Variants in HERC3 observed in about 807,000 individuals in gnomAD.
HERC3 encodes HECT and RLD domain containing E3 ubiquitin protein ligase 3.
Under a neutral mutation model 129.9 loss-of-function variants are expected in HERC3, and 58 were observed. The observed-to-expected ratio is 0.45, with a 90% confidence interval of 0.36 to 0.56. The LOEUF (loss-of-function observed/expected upper bound fraction) is 0.56. Among genes scored for constraint, HERC3 ranks in the 20% least tolerant of loss-of-function variants. The pLI, the probability that HERC3 is intolerant of heterozygous loss-of-function variation, is 0.00. For missense variants in HERC3, 835 were observed against 1,244.2 expected (o/e 0.67, Z 4.95); for synonymous variants, 430 against 451.0 (o/e 0.95, Z 0.59).
chr4:88,597,933 A>C (rs190536218), intron 2 of HERC3: 2 of 152,328 alleles, frequency 1.3e-5, no homozygotes, highest in Non-Finnish European at 2.9e-5. Flanking sequence ...ATTAAAATGA[A>C]TCTTCTTTGT....
At chr4:88,536,695 G>GA in the HERC3 span, among the ~76,000 whole-genome samples, 3 of 151,860 alleles carry the variant, frequency 2.0e-5, no homozygotes, top group Non-Finnish European at 2.9e-5. Context: ...CTTGCCAATA[G>GA]AAAAAAATAT....
At chr4:88,614,600 A>G (rs1034461068) in intron 3 of HERC3, among the ~76,000 whole-genome samples, 2 of 152,322 alleles carry the variant, frequency 1.3e-5, no homozygotes, top group Middle Eastern at 6.8e-3. Flanking sequence ...ACTGTTTGTC[A>G]GCTGCCTTTT....
chr4:88,570,223 A>G, the HERC3 span, among the ~76,000 whole-genome samples: 96 of 152,332 alleles, frequency 6.3e-4, no homozygotes, highest in African/African-American at 2.2e-3. Context: ...CAGGTTTCAA[A>G]TTATTCAAAG....
rs756067945 is a variant in HERC3, at chr4:88,681,196, T to C, written c.2378T>C (p.Ile793Thr). The change falls in exon 21 of 26, where the codon ATA becomes ACA. Residue 793 changes from isoleucine (I) to threonine (T), a missense_variant. Physicochemically the swap from Ile to Thr is moderately conservative, Grantham distance 89 (BLOSUM62 -1). Coordinates refer to ENST00000402738, the MANE Select transcript of HERC3 (RefSeq NM_014606.3). ...CACAACTGGTTTCACTTGATTGGTA[T>C]AACCTGTGGACTAGCTATCTACAAC... is the stretch of plus-strand genomic sequence containing the variant. ...VEHNWFHLIG[I>T]TCGLAIYNST... is the part of the protein sequence containing the mutation. 8.1e-6 allele frequency: 13 copies of C among 1,613,954 alleles called. No homozygotes were observed. Among genetic ancestry groups the C allele is most frequent in the Non-Finnish European group, 1.1e-5 (13 of 1,179,956 alleles).
At chr4:88,649,656 C>T (rs2149268808) in intron 3 of HERC3, among the ~76,000 whole-genome samples, 184 bp from the exon 4 acceptor site, 1 of 151,966 alleles carries the variant, frequency 6.6e-6, no homozygotes, top group South Asian at 2.1e-4. Context: ...TGTGTGTTAC[C>T]CCGGGTCTCC....
At chr4:88,654,899 C>T (rs763763863) in intron 7 of HERC3, among the ~76,000 whole-genome samples, 17 of 152,104 alleles carry the variant, frequency 1.1e-4, no homozygotes, top group Non-Finnish European at 1.9e-4. Flanking sequence ...AATTTTGCTT[C>T]CTAACACATC....
Position 88,707,309 on chromosome 4 carries a change from C to T in HERC3, c.*349C>T, listed in dbSNP as rs183893011. On this transcript the variant is annotated 3_prime_UTR_variant, in exon 26 of 26. Transcript: ENST00000402738. Reference sequence around the variant, plus strand: ...TAATTTCCCAAATGTCTCTCTCAGCCCTGATGTTTTCTCACAGTGCTTCCT... The same window carrying T: ...TAATTTCCCAAATGTCTCTCTCAGCTCTGATGTTTTCTCACAGTGCTTCCT... 3.1e-4 allele frequency: 79 copies of T among 253,692 alleles called. 1 individual carries two copies. Among genetic ancestry groups the T allele is most frequent in the South Asian group, 2.4e-3 (50 of 20,472 alleles). The allele number at this position is 253,692 out of a possible 1,614,324, so 15.7% of individuals were successfully genotyped here.
At chr4:88,562,769 A>G in the HERC3 span, among the ~76,000 whole-genome samples, 3 of 152,150 alleles carry the variant, frequency 2.0e-5, no homozygotes, top group Non-Finnish European at 4.4e-5. Context: ...TCCTTTCCCC[A>G]ATGTGTATTC....
chr4:88,698,280 G>C (rs1279340117), intron 23 of HERC3, among the ~76,000 whole-genome samples: 1 of 152,156 alleles, frequency 6.6e-6, no homozygotes, highest in South Asian at 2.1e-4. Context: ...GGGCAAGCTG[G>C]CTCCATTCCA....
At chr4:88,564,429 C>CT in the HERC3 span, among the ~76,000 whole-genome samples, 2 of 152,114 alleles carry the variant, frequency 1.3e-5, no homozygotes, top group South Asian at 2.1e-4. Context: ...TGCTGGGAGA[C>CT]TTTTTATTAT....
the HERC3 span, chr4:88,527,805 G>T: frequency 3.0e-6 from 1 of 330,450 alleles, no homozygotes; most frequent in South Asian, 2.8e-5. Context: ...AGGTGATCTT[G>T]GCCATCCTGC....
intron 3 of HERC3, among the ~76,000 whole-genome samples, chr4:88,613,385 T>A (rs1275088498): frequency 6.6e-6 from 1 of 152,248 alleles, no homozygotes. Context: ...CATTCGCACT[T>A]TGTATTCAGT....
Position 88,667,458 on chromosome 4 carries a change from G to A in HERC3, c.1413G>A (p.Met471Ile). The part of the protein sequence containing the change: ...NSTRVLFEKL[M>I]NSQHSMILEQ... Reference sequence around the variant, plus strand: ...CTAGGGTGTTATTTGAGAAGTTAATGAACTCTCAGCACTCCATGATTCTAG... The same window carrying A: ...CTAGGGTGTTATTTGAGAAGTTAATAAACTCTCAGCACTCCATGATTCTAG... Residue 471 changes from methionine (M) to isoleucine (I), a missense_variant, in exon 13 of 26, where the codon ATG becomes ATA. Transcript: ENST00000402738. 6.2e-7 allele frequency: 1 copy of A among 1,602,792 alleles called. No homozygotes were observed.
At chr4:88,586,384 G>A in the HERC3 span, among the ~76,000 whole-genome samples, 1 of 143,512 alleles carries the variant, frequency 7.0e-6, no homozygotes, top group African/African-American at 2.6e-5. Context: ...TTGAGACGGA[G>A]TTTCGCTCTT....
chr4:88,565,812 A>G, the HERC3 span, among the ~76,000 whole-genome samples: 1 of 152,182 alleles, frequency 6.6e-6, no homozygotes, highest in Non-Finnish European at 1.5e-5. Flanking sequence ...GTTTTCATCC[A>G]CATCAGACTT....
intron 23 of HERC3, among the ~76,000 whole-genome samples, chr4:88,694,499 T>C (rs1734393896): frequency 6.6e-6 from 1 of 152,252 alleles, no homozygotes. Flanking sequence ...CTTATACCAC[T>C]CTAATCCTAG....
intron 1 of HERC3, among the ~76,000 whole-genome samples, chr4:88,594,267 C>CT (rs1390454580): frequency 6.6e-6 from 1 of 152,142 alleles, no homozygotes; most frequent in African/African-American, 2.4e-5. Context: ...CAATTAAAAA[C>CT]TTTTTTTATA....
chr4:88,651,953 C>A, intron 4 of HERC3, 59 bp from the exon 5 acceptor site: 1 of 1,146,404 alleles, frequency 8.7e-7, no homozygotes, highest in Non-Finnish European at 1.3e-6. Context: ...GGGAATATTT[C>A]TGATAATTGT....
chr4:88,695,412 T>G (rs1436327662), intron 23 of HERC3, among the ~76,000 whole-genome samples: 1 of 152,206 alleles, frequency 6.6e-6, no homozygotes, highest in Non-Finnish European at 1.5e-5. Context: ...ACTTTCTGCT[T>G]CATTCAGAAT....
Sources: allele counts gnomAD v4.1 joint callset (sites outside exome capture counted in the v4.1 genomes callset), GRCh38; gene constraint gnomAD v4.1.1; transcripts MANE v1.5; gene names NCBI Gene and HGNC (gene_info 2026-07-23, HGNC 2026-07-21).